The following CCDC7 variants were observed in gnomAD, a reference collection of about 807,000 sequenced individuals.
The protein encoded by CCDC7 is coiled-coil domain-containing protein 7.
CCDC7 carries 183 observed loss-of-function variants against 196.9 expected under a neutral mutation model. That is an observed-to-expected ratio of 0.93 (90% CI 0.82 to 1.05). The LOEUF is 1.05. Among genes scored for constraint, CCDC7 ranks in the 50% least tolerant of loss-of-function variants. The probability of loss-of-function intolerance (pLI) is 0.00; values close to 1 mark genes in which losing one functional copy is unlikely to be tolerated. For synonymous variants in CCDC7, 525 were observed against 484.6 expected (o/e 1.08, Z -1.10); for missense variants, 1,540 against 1,482.2 (o/e 1.04, Z -0.64).
At chr10:32,663,777 A>T (rs2072028973) in intron 20 of CCDC7, among the ~76,000 whole-genome samples, 1 of 151,830 alleles carries the variant, frequency 6.6e-6, no homozygotes, top group African/African-American at 2.4e-5. Flanking sequence ...TTTGCCTATG[A>T]ATATATATTA....
intron 11 of CCDC7, among the ~76,000 whole-genome samples, chr10:32,534,053 A>C (rs2050101040): frequency 6.6e-6 from 1 of 151,996 alleles, no homozygotes; most frequent in Non-Finnish European, 1.5e-5. Flanking sequence ...GTTCTTTAAA[A>C]TAATTTTCTA....
At chr10:32,730,975 A>G (rs995217137) in intron 28 of CCDC7, among the ~76,000 whole-genome samples, 2 of 151,938 alleles carry the variant, frequency 1.3e-5, no homozygotes, top group Non-Finnish European at 2.9e-5. Context: ...CTCATTTTTT[A>G]TTGTGTCATT....
At chr10:32,821,373 A>G (rs1338547999) in intron 31 of CCDC7, among the ~76,000 whole-genome samples, 2 of 152,146 alleles carry the variant, frequency 1.3e-5, no homozygotes, top group African/African-American at 4.8e-5. Flanking sequence ...GGGACTGTAA[A>G]CTAGTTCAAC....
At chr10:32,819,610 T>A (rs1001858626) in intron 31 of CCDC7, among the ~76,000 whole-genome samples, 1 of 152,204 alleles carries the variant, frequency 6.6e-6, no homozygotes, top group African/African-American at 2.4e-5. Context: ...TCAAAAAGCT[T>A]ATCCACCATG....
At chr10:32,583,420 A>G in intron 17 of CCDC7, 113 bp downstream of exon 18, 1 of 749,158 alleles carries the variant, frequency 1.3e-6, no homozygotes, top group Non-Finnish European at 1.8e-6. Flanking sequence ...TTTCAAGAGA[A>G]TTAAAAGTTT....
intron 9 of CCDC7, among the ~76,000 whole-genome samples, chr10:32,493,155 C>T (rs1169618161): frequency 6.6e-6 from 1 of 151,726 alleles, no homozygotes; most frequent in Non-Finnish European, 1.5e-5. Flanking sequence ...CTTTGACCAA[C>T]ATCTCCGCAT....
chr10:32,540,676 A>G (rs1386909016), intron 11 of CCDC7, among the ~76,000 whole-genome samples: 4 of 152,152 alleles, frequency 2.6e-5, no homozygotes, highest in Admixed American at 2.6e-4. Context: ...AGGAATGCTG[A>G]ATATAGGCTA....
At chr10:32,563,352 A>T (rs1315099195) in intron 13 of CCDC7, among the ~76,000 whole-genome samples, 2 of 152,228 alleles carry the variant, frequency 1.3e-5, no homozygotes, top group African/African-American at 2.4e-5. Context: ...GTCAATCCTA[A>T]GCCAAAAGAA....
At chr10:32,718,616 A>C (rs534689656) in intron 25 of CCDC7, among the ~76,000 whole-genome samples, 1 of 152,322 alleles carries the variant, frequency 6.6e-6, no homozygotes, top group South Asian at 2.1e-4. Context: ...TTGCACATTT[A>C]GAAAACCCCA....
chr10:32,704,786 G>A (rs2784586), intron 24 of CCDC7, among the ~76,000 whole-genome samples: 54,933 of 151,960 alleles, frequency 0.36, 11,998 homozygotes, highest in Non-Finnish European at 0.5. Flanking sequence ...GTGACGCTCC[G>A]TCAGTCAGTG....
Position 32,586,944 on chromosome 10 carries a change from A to C in CCDC7, c.1801+2640A>C, listed in dbSNP as rs146519312. ...TTTGAAGTGGGAATGCCTCTGTTTG[A>C]CCTGTGATGATCCATTGTCTGAGCT... is the stretch of plus-strand genomic sequence containing the variant. On this transcript the variant is annotated intron_variant, in intron 18 of 41. Coordinates refer to ENST00000639629, the Ensembl canonical transcript of CCDC7. Among the ~76,000 whole-genome samples, 107 of 152,192 alleles carry C rather than the reference A, an allele frequency of 7.0e-4. 1 individual carries two copies. The East Asian group carries it at 0.019, about 27-fold the overall frequency.
intron 13 of CCDC7, among the ~76,000 whole-genome samples, chr10:32,562,805 T>G (rs937129054): frequency 6.6e-6 from 1 of 152,010 alleles, no homozygotes; most frequent in Admixed American, 6.6e-5. Flanking sequence ...CCAGGGCAAT[T>G]AGGCAGGAGA....
chr10:32,614,013 G>A (rs185273982), intron 18 of CCDC7, among the ~76,000 whole-genome samples: 4 of 152,208 alleles, frequency 2.6e-5, no homozygotes, highest in South Asian at 2.1e-4. Flanking sequence ...GGGTGTTAAC[G>A]TCTCCCACTA....
intron 11 of CCDC7, among the ~76,000 whole-genome samples, chr10:32,525,059 G>GC (rs1554822707): frequency 6.8e-6 from 1 of 147,110 alleles, no homozygotes; most frequent in African/African-American, 2.5e-5. Flanking sequence ...TTCATTGTGT[G>GC]TTTTTTTTTT....
At chr10:32,737,610 C>T (rs1374567681) in intron 28 of CCDC7, among the ~76,000 whole-genome samples, 1 of 152,104 alleles carries the variant, frequency 6.6e-6, no homozygotes, top group Non-Finnish European at 1.5e-5. Context: ...CTGTGAATTA[C>T]AGTTAGATGG....
At chr10:32,566,783 G>T (rs985755157) in intron 14 of CCDC7, among the ~76,000 whole-genome samples, 7 of 150,700 alleles carry the variant, frequency 4.6e-5, no homozygotes, top group Non-Finnish European at 8.9e-5. Flanking sequence ...GTGGTGGTGT[G>T]GGCCTGTAGT....
At chr10:32,586,411 G>T (rs1054775853) in intron 18 of CCDC7, among the ~76,000 whole-genome samples, 1 of 152,074 alleles carries the variant, frequency 6.6e-6, no homozygotes, top group Non-Finnish European at 1.5e-5. Context: ...GGCTTTTGTT[G>T]CCATTGCTTT....
At chr10:32,683,588 T>G (rs2076106041) in intron 21 of CCDC7, among the ~76,000 whole-genome samples, 1 of 152,246 alleles carries the variant, frequency 6.6e-6, no homozygotes, top group Non-Finnish European at 1.5e-5. Flanking sequence ...TTTAGCAATA[T>G]TGATTCTTCC....
chr10:32,752,487 G>A (rs2075814213), intron 28 of CCDC7, among the ~76,000 whole-genome samples: 1 of 152,060 alleles, frequency 6.6e-6, no homozygotes, highest in Non-Finnish European at 1.5e-5. Context: ...ACGTATAGTG[G>A]AGTCTTAGTT....
Sources: allele counts gnomAD v4.1 joint callset (sites outside exome capture counted in the v4.1 genomes callset), GRCh38; gene constraint gnomAD v4.1.1; transcripts MANE v1.5; gene names NCBI Gene and HGNC (gene_info 2026-07-23, HGNC 2026-07-21).